Variants in PHACTR1 observed in about 807,000 individuals in gnomAD.
PHACTR1 encodes RPEL repeat containing 1.
In PHACTR1, 16 loss-of-function variants were observed where a neutral mutation model predicts 69.2. The observed-to-expected ratio is 0.23, with a 90% CI of 0.16 to 0.35. The LOEUF (loss-of-function observed/expected upper bound fraction) is 0.35, where lower values mean the gene tolerates loss of function less well. Among genes scored for constraint, PHACTR1 ranks in the 10% least tolerant of loss-of-function variants. The pLI is 1.00. For synonymous variants in PHACTR1, 312 were observed against 284.5 expected (o/e 1.10, Z -0.97); for missense variants, 510 against 734.7 (o/e 0.69, Z 3.54).
chr6:13,134,131 C>G (rs1197677872), intron 5 of PHACTR1, among the ~76,000 whole-genome samples: 3 of 151,994 alleles, frequency 2.0e-5, no homozygotes, highest in African/African-American at 7.2e-5. Context: ...AGGAGCGTCT[C>G]CGCCTGGCAG....
At chr6:12,839,645 A>G (rs1037834617) in intron 4 of PHACTR1, among the ~76,000 whole-genome samples, 1 of 152,164 alleles carries the variant, frequency 6.6e-6, no homozygotes, top group Non-Finnish European at 1.5e-5. Flanking sequence ...CCAAAGTCTG[A>G]TGCAGTTAAC....
At chr6:13,160,604 G>A (rs1398376077) in intron 6 of PHACTR1, among the ~76,000 whole-genome samples, 1 of 152,214 alleles carries the variant, frequency 6.6e-6, no homozygotes, top group South Asian at 2.1e-4. Context: ...CACGACCAGG[G>A]TGCAGTCACC....
intron 5 of PHACTR1, among the ~76,000 whole-genome samples, chr6:13,126,346 A>G (rs1244869776): frequency 1.3e-5 from 2 of 152,216 alleles, no homozygotes; most frequent in Non-Finnish European, 2.9e-5. Context: ...AAAGAATTTC[A>G]CTATTTACTT....
chr6:13,262,183 G>T (rs1426082864), intron 10 of PHACTR1, among the ~76,000 whole-genome samples: 3 of 152,186 alleles, frequency 2.0e-5, no homozygotes, highest in African/African-American at 7.2e-5. Context: ...ATCAGAGATG[G>T]TTTGGATATA....
intron 6 of PHACTR1, among the ~76,000 whole-genome samples, chr6:13,180,721 A>G (rs954356023): frequency 3.3e-5 from 5 of 152,192 alleles, no homozygotes; most frequent in African/African-American, 1.2e-4. Flanking sequence ...CAACTGGGAA[A>G]TTGAAACAGA....
intron 4 of PHACTR1, among the ~76,000 whole-genome samples, chr6:12,866,174 C>T (rs953831870): frequency 3.3e-5 from 5 of 152,156 alleles, no homozygotes; most frequent in South Asian, 2.1e-4. Flanking sequence ...AGAATTTATT[C>T]TTTCCGTGTG....
At chr6:12,812,183 C>A (rs959363763) in intron 4 of PHACTR1, among the ~76,000 whole-genome samples, 1 of 152,140 alleles carries the variant, frequency 6.6e-6, no homozygotes, top group Non-Finnish European at 1.5e-5. Context: ...GTCCTAGCAA[C>A]AACCACTCCC....
chr6:12,741,881 G>A (rs370662027), intron 3 of PHACTR1, among the ~76,000 whole-genome samples: 9 of 151,858 alleles, frequency 5.9e-5, no homozygotes, highest in African/African-American at 1.9e-4. Context: ...CCATGAGCAC[G>A]ATTATTGCAT....
At chr6:13,071,010 A>T (rs1809432124) in intron 5 of PHACTR1, among the ~76,000 whole-genome samples, 1 of 152,104 alleles carries the variant, frequency 6.6e-6, no homozygotes, top group Non-Finnish European at 1.5e-5. Flanking sequence ...AAAAGGACTG[A>T]ATCAAATAGT....
chr6:13,175,260 T>C (rs1238836848), intron 6 of PHACTR1, among the ~76,000 whole-genome samples: 2 of 152,264 alleles, frequency 1.3e-5, no homozygotes, highest in African/African-American at 4.8e-5. Flanking sequence ...TGTGCTGTGT[T>C]AGCTCATCTG....
intron 4 of PHACTR1, among the ~76,000 whole-genome samples, chr6:12,923,284 T>A (rs890727609): frequency 1.6e-4 from 25 of 152,154 alleles, no homozygotes; most frequent in African/African-American, 5.6e-4. Context: ...TATGCTTTAA[T>A]AATAAATAGT....
At position 12,931,003 on chromosome 6, in the gene PHACTR1, C is replaced by CAA. The variant is rs34965562; in HGVS notation, c.251-122340_251-122339dup. On this transcript the variant is annotated intron_variant, in intron 4 of 14. Transcript: ENST00000332995. ...GGGAAACAAGAGCAAAACTCTGTCTCAAAAAAAAAAAAAAAAAAAAAAAGA... is the reference window on the plus strand; with the variant it reads ...GGGAAACAAGAGCAAAACTCTGTCTCAAAAAAAAAAAAAAAAAAAAAAAAAGA... 4.7e-3 allele frequency among the ~76,000 whole-genome samples: 402 copies of CAA among 85,278 alleles called. 5 individuals are homozygous for CAA. Among genetic ancestry groups the CAA allele is most frequent in the Middle Eastern group, 7.0e-3 (1 of 142 alleles). 55.9% of individuals were successfully genotyped at this position (85,278 alleles called of 152,430 possible).
At chr6:13,200,759 C>T (rs902133771) in intron 7 of PHACTR1, among the ~76,000 whole-genome samples, 1 of 151,174 alleles carries the variant, frequency 6.6e-6, no homozygotes, top group African/African-American at 2.4e-5. Context: ...CATGGTGAAA[C>T]CCCATCTCTA....
chr6:13,125,894 C>T (rs1049135813), intron 5 of PHACTR1, among the ~76,000 whole-genome samples: 20 of 151,822 alleles, frequency 1.3e-4, no homozygotes, highest in African/African-American at 2.9e-4. Context: ...CGTACCACTA[C>T]GCTCCATCCT....
intron 5 of PHACTR1, among the ~76,000 whole-genome samples, chr6:13,090,045 G>T (rs571445996): frequency 4.7e-4 from 71 of 151,922 alleles, no homozygotes; most frequent in African/African-American, 1.5e-3. Context: ...CATTGTTTTG[G>T]GTTTTTTTGT....
intron 4 of PHACTR1, among the ~76,000 whole-genome samples, chr6:12,884,486 C>T (rs1783433493): frequency 6.6e-6 from 1 of 151,870 alleles, no homozygotes. Flanking sequence ...CTGCAAGCTC[C>T]GCCTCCTGGG....
At chr6:13,035,153 T>C (rs897218634) in intron 4 of PHACTR1, among the ~76,000 whole-genome samples, 1 of 152,232 alleles carries the variant, frequency 6.6e-6, no homozygotes, top group African/African-American at 2.4e-5. Flanking sequence ...CAAATTATTT[T>C]ATATTCCCTA....
intron 4 of PHACTR1, among the ~76,000 whole-genome samples, chr6:12,870,408 G>A (rs1781910354): frequency 6.6e-6 from 1 of 152,074 alleles, no homozygotes; most frequent in Non-Finnish European, 1.5e-5. Flanking sequence ...ATGATTACAT[G>A]TTTCATCAAG....
rs148159352 is a variant in PHACTR1 at position 13,218,505 on chromosome 6, A to C, written c.987-9311A>C. ...ACATGAAAGATAAGTCAGTGTCTTCATTTTTGAAGTCTAGAGATCCCTTAA... is the reference window on the plus strand; with the variant it reads ...ACATGAAAGATAAGTCAGTGTCTTCCTTTTTGAAGTCTAGAGATCCCTTAA... On this transcript the variant is annotated intron_variant, in intron 8 of 14. Transcript: ENST00000332995. Among the ~76,000 whole-genome samples the C allele has an allele frequency of 9.3e-3, 1,416 of 152,298 alleles. 20 individuals are homozygous for C. Among genetic ancestry groups the C allele is most frequent in the African/African-American group, 0.03 (1,236 of 41,576 alleles).
Sources: gnomAD v4.1 joint callset for allele counts (sites outside exome capture counted in the v4.1 genomes callset) on GRCh38, gnomAD v4.1.1 for gene constraint, MANE v1.5 for transcripts, NCBI Gene and HGNC (gene_info 2026-07-23, HGNC 2026-07-21) for gene names.